NBEA: variants seen among roughly 807,000 people sequenced by gnomAD.
NBEA encodes lysosomal-trafficking regulator 2.
Under a neutral mutation model 343.4 loss-of-function variants are expected in NBEA, and 44 were observed. The observed-to-expected ratio is 0.13, with a 90% CI of 0.10 to 0.16. The LOEUF is 0.16. Ranked by LOEUF, NBEA falls within the 10% of genes least tolerant of loss-of-function variation. NBEA has a pLI of 1.00. For synonymous variants in NBEA, 1,175 were observed against 1,238.7 expected, an observed-to-expected ratio of 0.95 and a Z score of 1.08; for missense variants, 2,555 against 3,631.3, an observed-to-expected ratio of 0.70 and a Z score of 7.62.
chr13:35,267,832 A>T (rs2033811453), intron 34 of NBEA, among the ~76,000 whole-genome samples: 1 of 151,578 alleles, frequency 6.6e-6, no homozygotes, highest in Admixed American at 6.6e-5. Context: ...ACTATTTAAA[A>T]AAAAAAAAAG....
At position 35,285,509 on chromosome 13, in the gene NBEA, G is replaced by A. The variant is rs546044422; in HGVS notation, c.5777-4880G>A. The stretch of plus-strand genomic sequence containing the variant: ...AATGAAACTGATCACTTTTCCTTCT[G>A]CAGATTTGCTTCTTAATTTGCTTTC... On this transcript the variant is annotated intron_variant, in intron 34 of 58. Coordinates refer to ENST00000379939, the MANE Select transcript of NBEA (RefSeq NM_001385012.1). Among the ~76,000 whole-genome samples the A allele has an allele frequency of 2.0e-5, 3 of 152,172 alleles. No individual in the cohort carries two copies. In the South Asian group the frequency reaches 6.2e-4, roughly 32 times the overall value.
chr13:35,261,421 G>A (rs555782227), intron 34 of NBEA, among the ~76,000 whole-genome samples: 54 of 152,246 alleles, frequency 3.5e-4, no homozygotes, highest in Non-Finnish European at 6.0e-4. Context: ...TGAGGCAGGA[G>A]AATCACTGGA....
chr13:35,084,107 A>G (rs2064588434), intron 10 of NBEA, among the ~76,000 whole-genome samples: 1 of 152,170 alleles, frequency 6.6e-6, no homozygotes, highest in African/African-American at 2.4e-5. Context: ...AGAGACTTAG[A>G]CTGCCACACA....
At chr13:35,153,922 G>A (rs543102773) in intron 18 of NBEA, among the ~76,000 whole-genome samples, 11 of 152,070 alleles carry the variant, frequency 7.2e-5, no homozygotes, top group South Asian at 6.2e-4. Context: ...CTACTTATAC[G>A]TATATACCAA....
intron 43 of NBEA, among the ~76,000 whole-genome samples, chr13:35,552,420 A>G (rs2079372250): frequency 7.1e-6 from 1 of 140,982 alleles, no homozygotes. Flanking sequence ...ACAAGATTAA[A>G]CTAAGATATT....
chr13:35,036,031 G>A (rs1192119442), intron 1 of NBEA, among the ~76,000 whole-genome samples: 6 of 151,874 alleles, frequency 4.0e-5, no homozygotes, highest in Admixed American at 2.6e-4. Context: ...ATTAAGTAAG[G>A]ATGTACTCTT....
At chr13:35,590,770 C>G (rs1169413650) in intron 46 of NBEA, among the ~76,000 whole-genome samples, 3 of 152,172 alleles carry the variant, frequency 2.0e-5, no homozygotes, top group African/African-American at 7.2e-5. Flanking sequence ...CATCAGCATC[C>G]TGCAATAATA....
At chr13:35,096,502 A>G (rs535142155) in intron 10 of NBEA, among the ~76,000 whole-genome samples, 5 of 151,868 alleles carry the variant, frequency 3.3e-5, no homozygotes, top group South Asian at 4.1e-4. Context: ...CATCCTTGCA[A>G]TTTTACATGG....
intron 38 of NBEA, among the ~76,000 whole-genome samples, chr13:35,378,990 T>C (rs1383773113): frequency 6.6e-6 from 1 of 152,152 alleles, no homozygotes; most frequent in Non-Finnish European, 1.5e-5. Context: ...CATTGCTATA[T>C]AGTAGTCCAT....
intron 18 of NBEA, among the ~76,000 whole-genome samples, chr13:35,154,864 G>A (rs2069046361): frequency 6.6e-6 from 1 of 152,058 alleles, no homozygotes; most frequent in Admixed American, 6.6e-5. Flanking sequence ...GGTGGCTCAT[G>A]CATTTAATCC....
At chr13:35,043,654 T>C (rs2062736498) in intron 2 of NBEA, among the ~76,000 whole-genome samples, 1 of 151,876 alleles carries the variant, frequency 6.6e-6, no homozygotes, top group African/African-American at 2.4e-5. Context: ...ATATCCACTG[T>C]CACAATTTTG....
At chr13:35,207,022 G>A (rs994557927) in intron 31 of NBEA, among the ~76,000 whole-genome samples, 1 of 151,966 alleles carries the variant, frequency 6.6e-6, no homozygotes, top group African/African-American at 2.4e-5. Flanking sequence ...CATGCTTAAA[G>A]AGAAAAGAAG....
chr13:35,300,419 A>C lies in NBEA; in HGVS notation c.5839-9109A>C, dbSNP rs550851081. ...CATTGCCTACCCAAGTTTGTTACAA[A>C]AATTCAGAACCGTGTGTATCTCATT... On this transcript the variant is annotated intron_variant, in intron 35 of 58. Coordinates refer to ENST00000379939, the MANE Select transcript of NBEA (RefSeq NM_001385012.1). 1.6e-3 allele frequency among the ~76,000 whole-genome samples: 251 copies of C among 152,322 alleles called. 1 individual carries two copies. The highest frequency in any genetic ancestry group is 5.8e-3 in the African/African-American group (242 of 41,570).
At chr13:35,048,255 A>G (rs577161863) in intron 4 of NBEA, among the ~76,000 whole-genome samples, 26 of 151,940 alleles carry the variant, frequency 1.7e-4, no homozygotes, top group Non-Finnish European at 1.0e-4. Flanking sequence ...CTTATGTGTA[A>G]GAGACTGTAT....
chr13:35,453,771 C>T (rs997743720), intron 40 of NBEA, among the ~76,000 whole-genome samples: 4 of 152,020 alleles, frequency 2.6e-5, no homozygotes, highest in Non-Finnish European at 5.9e-5. Context: ...CCCAGTAATG[C>T]CAGTGGCACA....
chr13:35,592,262 T>C (rs1039796749), intron 46 of NBEA, among the ~76,000 whole-genome samples: 3 of 152,154 alleles, frequency 2.0e-5, no homozygotes, highest in African/African-American at 7.2e-5. Flanking sequence ...CTAGTTCATC[T>C]ACTGTCATTT....
At chr13:35,270,298 T>C (rs2034027192) in intron 34 of NBEA, among the ~76,000 whole-genome samples, 1 of 152,188 alleles carries the variant, frequency 6.6e-6, no homozygotes, top group South Asian at 2.1e-4. Flanking sequence ...TTTCCTTTTA[T>C]GTAATAAAGA....
chr13:35,574,805 A>G (rs900319861), intron 45 of NBEA, among the ~76,000 whole-genome samples: 1 of 151,278 alleles, frequency 6.6e-6, no homozygotes, highest in Non-Finnish European at 1.5e-5. Flanking sequence ...GCTGAAGTGC[A>G]ATGGTGCAAT....
chr13:35,243,924 C>A (rs1478729623), intron 34 of NBEA, among the ~76,000 whole-genome samples: 1 of 151,832 alleles, frequency 6.6e-6, no homozygotes, highest in South Asian at 2.1e-4. Flanking sequence ...GAATACTTCA[C>A]CCAATAACAT....
Sources: gnomAD v4.1 joint callset for allele counts (sites outside exome capture counted in the v4.1 genomes callset) on GRCh38, gnomAD v4.1.1 for gene constraint, MANE v1.5 for transcripts, NCBI Gene and HGNC (gene_info 2026-07-23, HGNC 2026-07-21) for gene names.